Variants in LEMD3 observed in about 807,000 individuals in gnomAD.
The protein encoded by LEMD3 is inner nuclear membrane protein Man1.
Under a neutral mutation model 95.2 loss-of-function variants are expected in LEMD3, and 33 were observed. That is an observed-to-expected ratio of 0.35 (90% CI 0.26 to 0.46). LEMD3 has a LOEUF of 0.46. LEMD3 is among the 20% of genes least tolerant of loss of function. LEMD3 has a pLI of 1.00. For missense variants in LEMD3, 1,210 were observed against 1,192.8 expected, an observed-to-expected ratio of 1.01 and a Z score of -0.21; for synonymous variants, 525 against 474.6, an observed-to-expected ratio of 1.11 and a Z score of -1.38.
chr12:65,181,550 A>T (rs959725563), intron 1 of LEMD3, among the ~76,000 whole-genome samples: 1 of 152,166 alleles, frequency 6.6e-6, no homozygotes, highest in Non-Finnish European at 1.5e-5. Flanking sequence ...TGGGAAACAT[A>T]CTTTAAAAAT....
intron 4 of LEMD3, among the ~76,000 whole-genome samples, chr12:65,234,318 C>G (rs1592460139): frequency 6.6e-6 from 1 of 152,176 alleles, no homozygotes; most frequent in African/African-American, 2.4e-5. Context: ...GCTGACCAAC[C>G]CCTGCCGTGC....
rs1219633103 is a variant in LEMD3, at chr12:65,169,627, C to G, written c.31C>G (p.Gln11Glu). The change falls in exon 1 of 13, where the codon CAG (glutamine) becomes GAG (glutamate). Residue 11 changes from glutamine to glutamate, a missense_variant. Transcript: ENST00000308330. Reference sequence around the variant, plus strand: ...GGCGGCAGCAGCTTCGGCGCCTCAGCAGCTCTCGGATGAGGAGCTTTTCTC... The same window carrying G: ...GGCGGCAGCAGCTTCGGCGCCTCAGGAGCTCTCGGATGAGGAGCTTTTCTC... MAAAAASAPQ[Q>E]LSDEELFSQL... The G allele has an allele frequency of 6.3e-7, 1 of 1,589,548 alleles. No homozygotes were observed. Among genetic ancestry groups the G allele is most frequent in the South Asian group, 1.1e-5 (1 of 87,856 alleles).
At chr12:65,229,323 T>C (rs968854302) in intron 4 of LEMD3, among the ~76,000 whole-genome samples, 1 of 152,192 alleles carries the variant, frequency 6.6e-6, no homozygotes, top group African/African-American at 2.4e-5. Context: ...ATATTATTGT[T>C]AATAATGCGG....
chr12:65,177,176 A>C (rs768933741), intron 1 of LEMD3, among the ~76,000 whole-genome samples: 2 of 152,174 alleles, frequency 1.3e-5, no homozygotes, highest in Non-Finnish European at 1.5e-5. Context: ...ATGGCAATTC[A>C]TGGAGGTTAT....
At chr12:65,220,822 G>C (rs1031750632) in intron 4 of LEMD3, among the ~76,000 whole-genome samples, 2 of 152,192 alleles carry the variant, frequency 1.3e-5, no homozygotes, top group African/African-American at 2.4e-5. Context: ...TTATTGAAGA[G>C]ATTGTCATTT....
chr12:65,172,824 C>A (rs1868598035), intron 1 of LEMD3, among the ~76,000 whole-genome samples: 3 of 151,626 alleles, frequency 2.0e-5, no homozygotes, highest in Non-Finnish European at 4.4e-5. Context: ...CTCCTGGGTT[C>A]AAGTGATTCT....
intron 1 of LEMD3, among the ~76,000 whole-genome samples, chr12:65,201,150 T>C (rs1243332501): frequency 1.3e-5 from 2 of 152,326 alleles, no homozygotes; most frequent in Admixed American, 6.5e-5. Flanking sequence ...TCTGTTTCAC[T>C]GATCTTTTTG....
intron 2 of LEMD3, 32 bp downstream of exon 2, chr12:65,210,995 G>T (rs1043248954): frequency 6.7e-7 from 1 of 1,486,008 alleles, no homozygotes; most frequent in East Asian, 2.3e-5. Flanking sequence ...TGATAATTTT[G>T]TGTCATGTTT....
intron 1 of LEMD3, among the ~76,000 whole-genome samples, chr12:65,204,343 C>CT (rs375857843): frequency 1.3e-5 from 2 of 152,110 alleles, no homozygotes; most frequent in African/African-American, 2.4e-5. Flanking sequence ...ACCCAACCCT[C>CT]TGACAGGTCC....
chr12:65,200,719 A>G (rs1227844118), intron 1 of LEMD3, among the ~76,000 whole-genome samples: 1 of 152,100 alleles, frequency 6.6e-6, no homozygotes, highest in Non-Finnish European at 1.5e-5. Context: ...GCAGTACTTT[A>G]TCAGATATGT....
At chr12:65,218,435 A>G in intron 3 of LEMD3, 117 bp from the exon 4 acceptor site, 1 of 565,862 alleles carries the variant, frequency 1.8e-6, no homozygotes, top group Non-Finnish European at 3.1e-6. Flanking sequence ...TTCTTTACTG[A>G]TTATAATAAT....
At chr12:65,234,685 AG>A (rs1870727590) in intron 4 of LEMD3, among the ~76,000 whole-genome samples, 4 of 152,162 alleles carry the variant, frequency 2.6e-5, no homozygotes, top group Admixed American at 2.0e-4. Flanking sequence ...AAACAGAAAA[AG>A]GGAAAATAAC....
At chr12:65,217,964 C>T (rs1417711268) in intron 3 of LEMD3, among the ~76,000 whole-genome samples, 1 of 152,200 alleles carries the variant, frequency 6.6e-6, no homozygotes, top group Non-Finnish European at 1.5e-5. Context: ...ACAACAGATG[C>T]ATACTACCAC....
rs1469699169 is a variant in LEMD3 at position 65,238,807 on chromosome 12, A to G, written c.1914A>G (p.Leu638=). 1 of 1,614,054 alleles carries G rather than the reference A, an allele frequency of 6.2e-7. No homozygotes were observed. Among genetic ancestry groups the G allele is most frequent in the Non-Finnish European group, 8.5e-7 (1 of 1,179,964 alleles). The part of the protein sequence containing the change: ...FVTVTHRLLL[L]CLGVVMVCVV... ...CTGTAACTCACAGATTATTGTTGTTATGCTTAGGTAAGTTGTAAAGATAAG... is the reference window on the plus strand; with the variant it reads ...CTGTAACTCACAGATTATTGTTGTTGTGCTTAGGTAAGTTGTAAAGATAAG... Residue 638 remains leucine (L), a synonymous_variant, in exon 6 of 13, where the codon TTA becomes TTG. Transcript: ENST00000308330.
intron 1 of LEMD3, among the ~76,000 whole-genome samples, chr12:65,191,839 C>T (rs1285627290): frequency 2.1e-5 from 3 of 145,836 alleles, no homozygotes; most frequent in Admixed American, 7.1e-5. Context: ...GCAGGAAAAT[C>T]GCTCGAACCT....
chr12:65,211,765 TA>T (rs1869946063), intron 2 of LEMD3, among the ~76,000 whole-genome samples: 1 of 152,230 alleles, frequency 6.6e-6, no homozygotes, highest in Non-Finnish European at 1.5e-5. Context: ...TTGCCTTAAG[TA>T]TAACACTGCT....
intron 1 of LEMD3, among the ~76,000 whole-genome samples, chr12:65,172,458 A>G (rs561505749): frequency 1.3e-5 from 2 of 152,246 alleles, no homozygotes; most frequent in East Asian, 1.9e-4. Context: ...AGATTTAGAT[A>G]TAGCCAATTC....
intron 1 of LEMD3, among the ~76,000 whole-genome samples, chr12:65,173,789 A>G (rs2136315232): frequency 6.6e-6 from 1 of 152,342 alleles, no homozygotes; most frequent in South Asian, 2.1e-4. Context: ...AGAAATTAAT[A>G]CAGAAATTTG....
Position 65,240,380 on chromosome 12 carries a change from G to A in LEMD3, c.2126+142G>A, listed in dbSNP as rs532588349. ...TTTTTTTTGGTTTTGCTTTGTTTTT[G>A]TACTTTATACTCTCTTTCTAAATTC... On this transcript the variant is annotated intron_variant, in intron 8 of 12. Coordinates refer to ENST00000308330, the MANE Select transcript of LEMD3 (RefSeq NM_014319.5). 46 of 670,250 alleles carry A rather than the reference G, an allele frequency of 6.9e-5. 1 individual carries two copies. In the South Asian group the frequency reaches 7.6e-4, roughly 11 times the overall value. The allele number at this position is 670,250 out of a possible 1,614,324, so 41.5% of individuals were successfully genotyped here.
Sources: allele counts gnomAD v4.1 joint callset (sites outside exome capture counted in the v4.1 genomes callset), GRCh38; gene constraint gnomAD v4.1.1; transcripts MANE v1.5; gene names NCBI Gene and HGNC (gene_info 2026-07-23, HGNC 2026-07-21).